Variants in DHX35 observed in about 807,000 individuals in gnomAD.
DHX35 encodes the protein probable ATP-dependent RNA helicase DHX35.
Under a neutral mutation model 99.6 loss-of-function variants are expected in DHX35, and 84 were observed. The ratio of observed to expected loss-of-function variants is 0.84; its 90% CI spans 0.71 to 1.01. The LOEUF is 1.01. Among genes scored for constraint, DHX35 ranks in the 50% least tolerant of loss-of-function variants. The pLI, the probability that DHX35 is intolerant of heterozygous loss-of-function variation, is 0.00. For missense variants in DHX35, 852 were observed against 888.5 expected (o/e 0.96, Z 0.52); for synonymous variants, 331 against 316.2 (o/e 1.05, Z -0.50).
intron 13 of DHX35, 152 bp downstream of exon 13, chr20:39,010,556 C>A: frequency 9.1e-7 from 1 of 1,095,058 alleles, no homozygotes; most frequent in Non-Finnish European, 1.3e-6. Flanking sequence ...CTGTGCAGGA[C>A]GTAGGGGAAA....
intron 8 of DHX35, among the ~76,000 whole-genome samples, chr20:38,995,257 G>A (rs1026186465): frequency 6.6e-6 from 1 of 152,182 alleles, no homozygotes; most frequent in South Asian, 2.1e-4. Context: ...GGGCACGGTG[G>A]CTCACACCTG....
chr20:38,988,037 C>T (rs944318990), intron 4 of DHX35, among the ~76,000 whole-genome samples: 1 of 152,102 alleles, frequency 6.6e-6, no homozygotes, highest in Admixed American at 6.6e-5. Context: ...TCTTTTCGAG[C>T]GTGGAGATGA....
At chr20:39,013,782 A>G (rs567898856) in intron 13 of DHX35, among the ~76,000 whole-genome samples, 3 of 152,348 alleles carry the variant, frequency 2.0e-5, no homozygotes, top group Admixed American at 6.5e-5. Context: ...GCACCAAGGA[A>G]GGGCTAGTGG....
rs543965197 is a variant in DHX35, at chr20:38,976,919, C to T, written c.267+4268C>T. Among the ~76,000 whole-genome samples the T allele has an allele frequency of 1.7e-3, 262 of 152,206 alleles. 1 individual carries two copies. Among genetic ancestry groups the T allele is most frequent in the South Asian group, 3.9e-3 (19 of 4,830 alleles). ...TGTCCTCTAGGTTCATCTGTGTTGG[C>T]GCAAATGACAGGATTTCATTCTTTT... On this transcript the variant is annotated intron_variant, in intron 3 of 21. Transcript: ENST00000252011.
intron 10 of DHX35, 140 bp from the exon 11 acceptor site, chr20:39,003,609 G>A: frequency 3.2e-6 from 3 of 935,874 alleles, no homozygotes; most frequent in South Asian, 3.6e-5. Context: ...CCATCCCAGA[G>A]TGGAACATGA....
chr20:39,007,396 G>A (rs1445002952), intron 12 of DHX35, among the ~76,000 whole-genome samples: 1 of 152,198 alleles, frequency 6.6e-6, no homozygotes, highest in Non-Finnish European at 1.5e-5. Flanking sequence ...GGTATGATAG[G>A]GAGCCATAAA....
At chr20:38,978,012 A>C in intron 3 of DHX35, 1 of 708,242 alleles carries the variant, frequency 1.4e-6, no homozygotes, top group Non-Finnish European at 2.6e-6. Flanking sequence ...TTCCAGATAT[A>C]CTTAAGAATT....
At chr20:39,021,021 G>A (rs1227572158) in intron 15 of DHX35, among the ~76,000 whole-genome samples, 1 of 152,196 alleles carries the variant, frequency 6.6e-6, no homozygotes, top group Non-Finnish European at 1.5e-5. Context: ...ATGGGAGGTA[G>A]TGGGGAGATG....
rs1384687117 is a variant in DHX35 at position 38,962,367 on chromosome 20, C to T, written c.-1C>T. The stretch of plus-strand genomic sequence containing the variant: ...CTAGCCTCGTGACCTTTTACCCCAA[C>T]ATGGCTGCGCCCGTGGGACCGGTGA... On this transcript the variant is annotated 5_prime_UTR_variant, in exon 1 of 22. Coordinates refer to ENST00000252011, the MANE Select transcript of DHX35 (RefSeq NM_021931.4). 2 of 1,612,580 alleles carry T rather than the reference C, an allele frequency of 1.2e-6. No individual in the cohort carries two copies. Among genetic ancestry groups the T allele is most frequent in the African/African-American group, 2.7e-5 (2 of 74,898 alleles).
intron 7 of DHX35, among the ~76,000 whole-genome samples, chr20:38,994,548 G>C (rs2086394380): frequency 6.6e-6 from 1 of 150,784 alleles, no homozygotes; most frequent in African/African-American, 2.4e-5. Flanking sequence ...GGGTCTTAAA[G>C]CTTCTTTATA....
chr20:39,011,636 C>T (rs114200487), intron 13 of DHX35, among the ~76,000 whole-genome samples: 3,115 of 152,344 alleles, frequency 0.02, 114 homozygotes, highest in African/African-American at 0.07. Context: ...CCACCACCCC[C>T]GGCCTCTTTG....
At chr20:38,981,943 CAAAAAAA>C (rs1161300647) in intron 3 of DHX35, among the ~76,000 whole-genome samples, 1 of 87,282 alleles carries the variant, frequency 1.1e-5, no homozygotes, top group Non-Finnish European at 2.4e-5. Context: ...GACTCTGTCT[CAAAAAAA>C]AAAAAAAAAA....
At chr20:38,997,612 C>T (rs757658143) in intron 8 of DHX35, among the ~76,000 whole-genome samples, 2 of 152,044 alleles carry the variant, frequency 1.3e-5, no homozygotes, top group South Asian at 2.1e-4. Context: ...CTTATCCTGT[C>T]CTTGCTGCTC....
At chr20:38,965,620 A>G (rs1165702546) in intron 1 of DHX35, among the ~76,000 whole-genome samples, 3 of 150,248 alleles carry the variant, frequency 2.0e-5, no homozygotes, top group African/African-American at 4.9e-5. Flanking sequence ...GAGTTGCCCA[A>G]TTTTTTTTTT....
In DHX35 at chr20:38,980,305, G is replaced by A. The variant is rs190669549; in HGVS notation, c.268-3394G>A. Among the ~76,000 whole-genome samples, 303 of 152,310 alleles carry A rather than the reference G, an allele frequency of 2.0e-3. 5 individuals are homozygous for A. The highest frequency in any genetic ancestry group is 0.014 in the Middle Eastern group (4 of 294). On this transcript the variant is annotated intron_variant, in intron 3 of 21. Transcript: ENST00000252011. ...ATGACTTTGGTTTGCTGAGCTTGAA[G>A]TCCAGGATACAGATTTTTATTTGTT...
chr20:39,025,294 C>T lies in DHX35; in HGVS notation c.1736C>T (p.Ala579Val), dbSNP rs1249468091. 12 of 1,613,438 alleles carry T rather than the reference C, an allele frequency of 7.4e-6. No homozygotes were observed. The highest frequency in any genetic ancestry group is 1.3e-5 in the African/African-American group (1 of 74,890). The stretch of plus-strand genomic sequence containing the variant: ...AATTACAAGGGTCTTGTCAGAGCTG[C>T]GACTGTAAGAGAACAATTGAAAAAG... Reference protein sequence around the residue: ...FLNYKGLVRAATVREQLKKLL... With the variant: ...FLNYKGLVRAVTVREQLKKLL... The change falls in exon 18 of 22, where the codon GCG becomes GTG. Residue 579 changes from alanine to valine, a missense_variant. Coordinates refer to ENST00000252011, the MANE Select transcript of DHX35 (RefSeq NM_021931.4).
chr20:38,996,595 A>G (rs976814816), intron 8 of DHX35, among the ~76,000 whole-genome samples: 4 of 152,186 alleles, frequency 2.6e-5, no homozygotes, highest in African/African-American at 7.2e-5. Flanking sequence ...AGTCTCTAGT[A>G]AGGAGGCCAG....
intron 1 of DHX35, 124 bp downstream of exon 1, chr20:38,962,531 G>C: frequency 8.0e-7 from 1 of 1,251,162 alleles, no homozygotes; most frequent in Non-Finnish European, 1.1e-6. Flanking sequence ...GGGCGCTGCC[G>C]CCTCTGTGCG....
chr20:39,034,224 T>C lies in DHX35; in HGVS notation c.1974T>C (p.Val658=). 6.2e-7 allele frequency: 1 copy of C among 1,614,024 alleles called. No individual in the cohort carries two copies. The highest frequency in any genetic ancestry group is 8.5e-7 in the Non-Finnish European group (1 of 1,179,958). The part of the protein sequence containing the change: ...KPPRWVIYNE[V]IQTSKYYMRD... ...ATTTCAGGGTCATCTATAACGAAGT[T>C]ATACAGACCTCCAAGTACTACATGA... The change falls in exon 21 of 22, where the codon GTT becomes GTC. Residue 658 remains valine (V), a synonymous_variant. Transcript: ENST00000252011.
Sources: gnomAD v4.1 joint callset for allele counts (sites outside exome capture counted in the v4.1 genomes callset) on GRCh38, gnomAD v4.1.1 for gene constraint, MANE v1.5 for transcripts, NCBI Gene and HGNC (gene_info 2026-07-23, HGNC 2026-07-21) for gene names.